The following ACVR1 variants were observed in gnomAD, a reference collection of about 807,000 sequenced individuals.
ACVR1 encodes the protein activin A receptor type 1.
ACVR1 carries 38 observed loss-of-function variants against 57.1 expected under a neutral mutation model. The observed-to-expected ratio is 0.67, with a 90% CI of 0.51 to 0.87. The LOEUF (loss-of-function observed/expected upper bound fraction) is 0.87, where lower values mean the gene tolerates loss of function less well. ACVR1 is among the 40% of genes least tolerant of loss of function. ACVR1 has a pLI of 0.00. For missense variants in ACVR1, 463 were observed against 638.2 expected, an observed-to-expected ratio of 0.73 and a Z score of 2.96; for synonymous variants, 212 against 228.1, an observed-to-expected ratio of 0.93 and a Z score of 0.63.
At chr2:157,847,882 G>A (rs942001755) in intron 1 of ACVR1, among the ~76,000 whole-genome samples, 3 of 152,182 alleles carry the variant, frequency 2.0e-5, no homozygotes, top group Non-Finnish European at 4.4e-5. Context: ...CAGAAAGACA[G>A]AGAAGTCTGG....
intron 9 of ACVR1, among the ~76,000 whole-genome samples, chr2:157,744,179 T>C (rs1399211896): frequency 2.0e-5 from 3 of 152,210 alleles, no homozygotes; most frequent in African/African-American, 7.2e-5. Context: ...TCACATCAGA[T>C]ATCCAGGTAA....
intron 1 of ACVR1, among the ~76,000 whole-genome samples, chr2:157,830,733 C>A (rs1223802306): frequency 4.4e-5 from 6 of 136,734 alleles, no homozygotes; most frequent in African/African-American, 1.1e-4. Context: ...TTTGTTTCAC[C>A]AAAAAAAAAA....
chr2:157,739,104 C>A (rs1027574786), intron 9 of ACVR1, among the ~76,000 whole-genome samples: 4 of 152,192 alleles, frequency 2.6e-5, no homozygotes, highest in Admixed American at 6.5e-5. Context: ...TTAATCTCTT[C>A]CATTAGGAGG....
intron 9 of ACVR1, among the ~76,000 whole-genome samples, chr2:157,753,204 A>T (rs1279590353): frequency 6.6e-6 from 1 of 152,230 alleles, no homozygotes; most frequent in African/African-American, 2.4e-5. Flanking sequence ...AACATCATTT[A>T]AAAAAGACAA....
chr2:157,759,808 G>A (rs780548024), intron 9 of ACVR1, among the ~76,000 whole-genome samples: 6 of 151,972 alleles, frequency 3.9e-5, no homozygotes, highest in Admixed American at 6.6e-5. Flanking sequence ...TAATTAATGC[G>A]ATACATCACA....
chr2:157,867,942 G>T (rs555317840), intron 1 of ACVR1, among the ~76,000 whole-genome samples: 5 of 152,058 alleles, frequency 3.3e-5, no homozygotes, highest in African/African-American at 1.2e-4. Context: ...TAATGAAAGG[G>T]GCCAGACCAA....
At chr2:157,762,406 G>T (rs1685694549) in intron 8 of ACVR1, among the ~76,000 whole-genome samples, 1 of 152,120 alleles carries the variant, frequency 6.6e-6, no homozygotes, top group African/African-American at 2.4e-5. Context: ...ATAGAATCTG[G>T]TACTATCCTG....
chr2:157,780,417 G>T lies in ACVR1; in HGVS notation c.251C>A (p.Pro84Gln), dbSNP rs775537696. The change falls in exon 4 of 11, where the codon CCG (proline) becomes CAG (glutamine). Residue 84 changes from proline (P) to glutamine (Q), a missense_variant. Physicochemically the swap from Pro to Gln is moderately conservative, Grantham distance 76. Around this residue, in one of 3 missense-constraint regions of ACVR1, gnomAD observed 203 missense variants for 235.5 expected, o/e 0.86. Transcript: ENST00000434821. ...CTCCACGGCTTGGCCAGGGGACGGC[G>T]GGGTCTTACAGGTCATCTTTCCCTG... ...YEQGKMTCKT[P>Q]PSPGQAVECC... 5.0e-6 allele frequency: 8 copies of T among 1,614,102 alleles called. No individual in the cohort carries two copies. The highest frequency in any genetic ancestry group is 6.8e-6 in the Non-Finnish European group (8 of 1,179,998).
intron 1 of ACVR1, among the ~76,000 whole-genome samples, chr2:157,851,736 G>C (rs1157289599): frequency 6.6e-6 from 1 of 152,080 alleles, no homozygotes; most frequent in Non-Finnish European, 1.5e-5. Flanking sequence ...TGAAGGCTGA[G>C]GATTCACTCA....
intron 2 of ACVR1, among the ~76,000 whole-genome samples, chr2:157,805,703 C>A (rs1687492924): frequency 6.6e-6 from 1 of 151,646 alleles, no homozygotes; most frequent in South Asian, 2.1e-4. Flanking sequence ...AGGTCTTAAC[C>A]CACCACCACT....
At chr2:157,742,208 G>A (rs1684802123) in intron 9 of ACVR1, among the ~76,000 whole-genome samples, 1 of 152,210 alleles carries the variant, frequency 6.6e-6, no homozygotes, top group Non-Finnish European at 1.5e-5. Context: ...AGGCAAAAAA[G>A]TGAACTCTAA....
chr2:157,749,328 T>G (rs936257041), intron 9 of ACVR1, among the ~76,000 whole-genome samples: 2 of 152,196 alleles, frequency 1.3e-5, no homozygotes, highest in African/African-American at 4.8e-5. Context: ...GATTGACAAG[T>G]GCTTCTTTAA....
chr2:157,859,915 T>C (rs796878123), intron 1 of ACVR1: 2 of 152,310 alleles, frequency 1.3e-5, no homozygotes, highest in East Asian at 3.9e-4. Context: ...AATTCTTAAG[T>C]AGCATCTCAA....
At chr2:157,808,031 G>A (rs1165806807) in intron 2 of ACVR1, among the ~76,000 whole-genome samples, 2 of 151,278 alleles carry the variant, frequency 1.3e-5, no homozygotes, top group African/African-American at 4.9e-5. Flanking sequence ...AAAGCCTTCC[G>A]TCTCACTCCC....
intron 1 of ACVR1, among the ~76,000 whole-genome samples, chr2:157,852,335 AAAAAATAC>A (rs1238477750): frequency 6.6e-6 from 1 of 151,794 alleles, no homozygotes; most frequent in African/African-American, 2.4e-5. Context: ...CCATCTCTAT[AAAAAATAC>A]AAAAATTAGC....
chr2:157,817,201 A>AC (rs1236325423), intron 2 of ACVR1, among the ~76,000 whole-genome samples: 1 of 152,048 alleles, frequency 6.6e-6, no homozygotes, highest in African/African-American at 2.4e-5. Flanking sequence ...GGGCATAACC[A>AC]ATCTTCCTAC....
chr2:157,779,566 T>G (rs748392433), intron 4 of ACVR1, among the ~76,000 whole-genome samples: 1 of 152,232 alleles, frequency 6.6e-6, no homozygotes. Context: ...TCCTCCACTT[T>G]TTGGTTTGTT....
chr2:157,748,265 G>T (rs1020843083), intron 9 of ACVR1, among the ~76,000 whole-genome samples: 1 of 152,074 alleles, frequency 6.6e-6, no homozygotes, highest in Non-Finnish European at 1.5e-5. Context: ...AGGCCTGCTT[G>T]GCTCAGCTCT....
At chr2:157,760,480 T>C (rs1685602464) in intron 9 of ACVR1, among the ~76,000 whole-genome samples, 1 of 152,164 alleles carries the variant, frequency 6.6e-6, no homozygotes, top group South Asian at 2.1e-4. Context: ...AACACAAAGA[T>C]AAAAGTTCAG....
Sources: allele counts gnomAD v4.1 joint callset (sites outside exome capture counted in the v4.1 genomes callset), GRCh38; gene constraint gnomAD v4.1.1; regional missense constraint gnomAD v4.1.1; transcripts MANE v1.5; gene names NCBI Gene and HGNC (gene_info 2026-07-23, HGNC 2026-07-21).